ARHGAP23: variants seen among roughly 807,000 people sequenced by gnomAD.
ARHGAP23 encodes the protein rho GTPase-activating protein 23.
A neutral mutation model predicts 136.3 loss-of-function variants in ARHGAP23; 34 were observed. The observed-to-expected ratio is 0.25, with a 90% CI of 0.19 to 0.33. The LOEUF is 0.33. ARHGAP23 is among the 10% of genes least tolerant of loss of function. The probability of loss-of-function intolerance (pLI) is 1.00; values close to 1 mark genes in which losing one functional copy is unlikely to be tolerated. For synonymous variants in ARHGAP23, 832 were observed against 920.5 expected, an observed-to-expected ratio of 0.90 and a Z score of 1.74; for missense variants, 1,808 against 2,139.0, an observed-to-expected ratio of 0.85 and a Z score of 3.05.
intron 16 of ARHGAP23, among the ~76,000 whole-genome samples, chr17:38,484,477 A>C (rs1307697081): frequency 6.6e-6 from 1 of 152,058 alleles, no homozygotes; most frequent in African/African-American, 2.4e-5. Context: ...GAGGCATGGG[A>C]TGACCAAGGG....
intron 6 of ARHGAP23, 81 bp downstream of exon 6, chr17:38,463,463 G>T: frequency 6.7e-7 from 1 of 1,497,086 alleles, no homozygotes; most frequent in Non-Finnish European, 9.1e-7. Context: ...AGAGAAGGAA[G>T]TGTTTGGAGG....
At chr17:38,464,240 G>A (rs147433002) in intron 6 of ARHGAP23, among the ~76,000 whole-genome samples, 105 of 152,264 alleles carry the variant, frequency 6.9e-4, no homozygotes, top group African/African-American at 2.3e-3. Context: ...CACAGAGAGC[G>A]TGGCCCAGAC....
intron 23 of ARHGAP23, among the ~76,000 whole-genome samples, chr17:38,503,673 T>G (rs2040568764): frequency 6.6e-6 from 1 of 152,176 alleles, no homozygotes; most frequent in African/African-American, 2.4e-5. Context: ...TGAAATTCCT[T>G]CCTCCTGAGA....
At chr17:38,464,735 G>A (rs2039543218) in intron 6 of ARHGAP23, among the ~76,000 whole-genome samples, 1 of 152,206 alleles carries the variant, frequency 6.6e-6, no homozygotes, top group Admixed American at 6.5e-5. Flanking sequence ...GCAGGGGCAA[G>A]GAGTGGGAAG....
intron 13 of ARHGAP23, 64 bp from the exon 14 acceptor site, chr17:38,479,689 G>A (rs1012017584): frequency 1.4e-6 from 2 of 1,457,078 alleles, no homozygotes; most frequent in Admixed American, 5.3e-5. Context: ...CGGGAGGCCA[G>A]GGTGGGTGGC....
At chr17:38,427,538 T>C (rs1449106133), upstream of ARHGAP23, among the ~76,000 whole-genome samples, 1 of 151,732 alleles carries the variant, frequency 6.6e-6, no homozygotes, top group Admixed American at 6.6e-5. Context: ...GAGGGGGTCC[T>C]TCTGGGGGAC....
chr17:38,473,717 C>A (rs1390194516), intron 11 of ARHGAP23, among the ~76,000 whole-genome samples: 2 of 151,870 alleles, frequency 1.3e-5, no homozygotes, highest in African/African-American at 2.4e-5. Flanking sequence ...TATCCAGAGG[C>A]TGAGACACGA....
At chr17:38,504,677 T>C (rs1367949318) in intron 23 of ARHGAP23, among the ~76,000 whole-genome samples, 1 of 152,224 alleles carries the variant, frequency 6.6e-6, no homozygotes. Context: ...TGAGCCACTC[T>C]TGGTTCTGTC....
intron 2 of ARHGAP23, 58 bp downstream of exon 2, chr17:38,458,321 C>A (rs2039379670): frequency 5.5e-6 from 8 of 1,451,738 alleles, no homozygotes; most frequent in Non-Finnish European, 7.2e-6. Context: ...GAGGGAGACT[C>A]TTTTGTGCCA....
At chr17:38,499,473 A>G (rs2040472146) in intron 22 of ARHGAP23, among the ~76,000 whole-genome samples, 1 of 151,072 alleles carries the variant, frequency 6.6e-6, no homozygotes, top group African/African-American at 2.4e-5. Flanking sequence ...GATGAGGGCC[A>G]CTCCCTTTGT....
At chr17:38,503,119 GAGAGAC>G (rs1337432018) in intron 23 of ARHGAP23, among the ~76,000 whole-genome samples, 3 of 152,200 alleles carry the variant, frequency 2.0e-5, no homozygotes, top group Non-Finnish European at 4.4e-5. Flanking sequence ...TGATCCAGGT[GAGAGAC>G]AGAGAGAGAG....
chr17:38,510,881 C>G lies in ARHGAP23; in HGVS notation c.4385C>G (p.Ala1462Gly). 1.3e-6 allele frequency: 2 copies of G among 1,494,642 alleles called. No homozygotes were observed. Among genetic ancestry groups the G allele is most frequent in the Non-Finnish European group, 1.8e-6 (2 of 1,130,260 alleles). The allele number at this position is 1,494,642 out of a possible 1,614,324, so 92.6% of individuals were successfully genotyped here. ...STKARAPSSA[A>G]SQPPAPGDTG... Reference sequence around the variant, plus strand: ...AAGGCGCGGGCCCCGTCGTCCGCTGCCTCGCAGCCGCCCGCGCCCGGGGAC... The same window carrying G: ...AAGGCGCGGGCCCCGTCGTCCGCTGGCTCGCAGCCGCCCGCGCCCGGGGAC... Residue 1462 changes from alanine (A) to glycine (G), a missense_variant, in exon 24 of 24, where the codon GCC becomes GGC. Coordinates refer to ENST00000622683, the MANE Select transcript of ARHGAP23 (RefSeq NM_001199417.2). This position sits in a 1 kb window ranked among gnomAD's most constrained non-coding sequence, Gnocchi z 4.6.
intron 11 of ARHGAP23, among the ~76,000 whole-genome samples, chr17:38,474,737 C>T (rs1342430655): frequency 6.7e-6 from 1 of 148,776 alleles, no homozygotes; most frequent in Non-Finnish European, 1.5e-5. Flanking sequence ...GCAAGAGACC[C>T]GGCTGAGCCT....
chr17:38,436,008 T>C (rs1354001713), intron 1 of ARHGAP23, among the ~76,000 whole-genome samples: 1 of 152,222 alleles, frequency 6.6e-6, no homozygotes, highest in Non-Finnish European at 1.5e-5. Flanking sequence ...CAATGGAGGC[T>C]GTCTGCGCAC....
At chr17:38,428,393 ACC>A (rs1268623188), upstream of ARHGAP23, 482 of 471,200 alleles carry the variant, frequency 1.0e-3, 4 homozygotes, top group African/African-American at 7.9e-3. Flanking sequence ...GCCCCCCCAC[ACC>A]GCGCTCGGCC....
intron 20 of ARHGAP23, among the ~76,000 whole-genome samples, chr17:38,493,329 G>C (rs1250891927): frequency 6.6e-6 from 1 of 151,800 alleles, no homozygotes; most frequent in East Asian, 1.9e-4. Flanking sequence ...GCTGGGACTA[G>C]AGATGCCACC....
intron 17 of ARHGAP23, among the ~76,000 whole-genome samples, chr17:38,488,221 A>G (rs1429139409): frequency 6.6e-6 from 1 of 152,178 alleles, no homozygotes; most frequent in Non-Finnish European, 1.5e-5. Flanking sequence ...ATTAAATATT[A>G]TTAACATTTT....
upstream of ARHGAP23, among the ~76,000 whole-genome samples, chr17:38,425,101 C>T (rs562746382): frequency 6.6e-6 from 1 of 152,216 alleles, no homozygotes; most frequent in African/African-American, 2.4e-5. Flanking sequence ...GGCCATGGCA[C>T]ATCGCTGCTT....
chr17:38,458,121 A>G lies in ARHGAP23; in HGVS notation c.83A>G (p.Asp28Gly), dbSNP rs1375833402. Residue 28 changes from aspartate to glycine, a missense_variant, in exon 2 of 24, where the codon GAT becomes GGT. Around this residue, in one of 7 missense-constraint regions of ARHGAP23, gnomAD observed 859 missense variants for 936.4 expected, o/e 0.92. Transcript: ENST00000622683. ...CCACAGCTGCCACTGGGCCCAAGAG[A>G]TGGGTGCTCTCCTAGGCGCCCCTTC... is the stretch of plus-strand genomic sequence containing the variant. The part of the protein sequence containing the change: ...RPPQLPLGPR[D>G]GCSPRRPFPW... 3.9e-6 allele frequency: 6 copies of G among 1,535,876 alleles called. No homozygotes were observed. The African/African-American group carries it at 4.1e-5, about 11-fold the overall frequency.
Sources: allele counts gnomAD v4.1 joint callset (sites outside exome capture counted in the v4.1 genomes callset), GRCh38; gene constraint gnomAD v4.1.1; regional missense constraint gnomAD v4.1.1; non-coding constraint Gnocchi (gnomAD v3.1); transcripts MANE v1.5; gene names NCBI Gene and HGNC (gene_info 2026-07-23, HGNC 2026-07-21).